GEMIN5: variants seen among roughly 807,000 people sequenced by gnomAD.
The protein encoded by GEMIN5 is gem-associated protein 5.
A neutral mutation model predicts 176.9 loss-of-function variants in GEMIN5; 124 were observed. The observed-to-expected ratio is 0.70, with a 90% CI of 0.61 to 0.81. The LOEUF (loss-of-function observed/expected upper bound fraction) is 0.81, where lower values mean the gene tolerates loss of function less well. GEMIN5 is among the 40% of genes least tolerant of loss of function. The probability of loss-of-function intolerance (pLI) is 0.00; values close to 1 mark genes in which losing one functional copy is unlikely to be tolerated. For missense variants in GEMIN5, 1,843 were observed against 1,814.6 expected, an observed-to-expected ratio of 1.02 and a Z score of -0.28; for synonymous variants, 673 against 665.2, an observed-to-expected ratio of 1.01 and a Z score of -0.18.
chr5:154,892,619 T>C, intron 24 of GEMIN5, 70 bp from the exon 25 acceptor site: 1 of 1,454,540 alleles, frequency 6.9e-7, no homozygotes, highest in East Asian at 2.3e-5. Context: ...CACCAAACTG[T>C]TCCTGTGAAC....
At chr5:154,932,296 A>G in intron 3 of GEMIN5, 46 bp from the exon 4 acceptor site, 1 of 1,414,200 alleles carries the variant, frequency 7.1e-7, no homozygotes, top group Non-Finnish European at 9.9e-7. Flanking sequence ...TGAAGACAGA[A>G]CAGAGTCTCT....
At chr5:154,918,098 G>C in intron 11 of GEMIN5, 94 bp from the exon 12 acceptor site, 1 of 744,824 alleles carries the variant, frequency 1.3e-6, no homozygotes, top group Non-Finnish European at 2.4e-6. Flanking sequence ...GTTTAAAAAC[G>C]TTTTAATTAT....
At chr5:154,896,430 T>C (rs1763354114) in intron 23 of GEMIN5, 87 bp from the exon 24 acceptor site, 3 of 1,365,952 alleles carry the variant, frequency 2.2e-6, no homozygotes, top group African/African-American at 1.5e-5. Context: ...TTCAAAGTAT[T>C]TCCCTTTGTA....
Position 154,913,011 on chromosome 5 carries a change from A to C in GEMIN5, c.1883T>G (p.Ile628Ser). 1.2e-6 allele frequency: 2 copies of C among 1,613,748 alleles called. No individual in the cohort carries two copies. Among genetic ancestry groups the C allele is most frequent in the Non-Finnish European group, 1.7e-6 (2 of 1,179,718 alleles). Residue 628 changes from isoleucine (I) to serine (S), a missense_variant, in exon 14 of 28, where the codon ATT (isoleucine) becomes AGT (serine). Physicochemically the swap from Ile to Ser is moderately radical, Grantham distance 142. Transcript: ENST00000285873. ...IESSPESPVT[I>S]TEPYRTLSGH... The stretch of plus-strand genomic sequence containing the variant: ...TGAGAGGGTCCGGTAGGGCTCTGTA[A>C]TGGTCACTGGAGACTCAGGGCTGCT...
intron 21 of GEMIN5, among the ~76,000 whole-genome samples, chr5:154,899,594 A>C (rs868858934): frequency 6.9e-6 from 1 of 145,540 alleles, no homozygotes; most frequent in African/African-American, 2.5e-5. Flanking sequence ...TAACAATGCT[A>C]AGAGTCAGTT....
chr5:154,931,609 T>C (rs1764166053), intron 4 of GEMIN5, 32 bp from the exon 5 acceptor site: 1 of 1,562,022 alleles, frequency 6.4e-7, no homozygotes, highest in Non-Finnish European at 8.7e-7. Flanking sequence ...TGTTTTTAAT[T>C]TACATTAAAC....
At chr5:154,917,411 TAAA>T (rs1343826007) in intron 12 of GEMIN5, among the ~76,000 whole-genome samples, 3 of 152,198 alleles carry the variant, frequency 2.0e-5, no homozygotes, top group Admixed American at 6.5e-5. Flanking sequence ...ATTCTTTTCT[TAAA>T]AAAATTAATT....
chr5:154,933,270 A>G (rs147632748), intron 3 of GEMIN5, among the ~76,000 whole-genome samples: 8 of 152,294 alleles, frequency 5.3e-5, no homozygotes, highest in African/African-American at 1.9e-4. Context: ...CCTAAATAAG[A>G]TATAGATTTT....
chr5:154,902,720 T>C lies in GEMIN5; in HGVS notation c.2729-44A>G, dbSNP rs370374149. On this transcript the variant is annotated intron_variant, in intron 19 of 27. Coordinates refer to ENST00000285873, the MANE Select transcript of GEMIN5 (RefSeq NM_015465.5). Reference sequence around the variant, plus strand: ...ATGTTTGGAAGGTGTTTCAGAAACATCTGTTACTGACTTGTAGGAAAAGAA... The same window carrying C: ...ATGTTTGGAAGGTGTTTCAGAAACACCTGTTACTGACTTGTAGGAAAAGAA... 8.8e-6 allele frequency: 14 copies of C among 1,595,380 alleles called. No homozygotes were observed. The African/African-American group carries it at 1.2e-4, about 14-fold the overall frequency.
intron 21 of GEMIN5, 48 bp downstream of exon 21, chr5:154,901,291 T>C: frequency 2.6e-6 from 4 of 1,546,970 alleles, no homozygotes; most frequent in Non-Finnish European, 3.5e-6. Context: ...GTTTAGGTTA[T>C]TTTCACATTA....
chr5:154,932,215 C>T lies in GEMIN5; in HGVS notation c.545G>A (p.Ser182Asn). The part of the protein sequence containing the change: ...KDGIVVIIDI[S>N]KKGEVIHRLR... The stretch of plus-strand genomic sequence containing the variant: ...CCTATGAATAACTTCTCCTTTCTTA[C>T]TGATGTCAATTATCACCACTATGCC... Residue 182 changes from serine to asparagine, a missense_variant, in exon 4 of 28, where the codon AGT becomes AAT. Physicochemically the swap from Ser to Asn is conservative, Grantham distance 46 (BLOSUM62 1). Transcript: ENST00000285873. 6.2e-7 allele frequency: 1 copy of T among 1,611,230 alleles called. No homozygotes were observed. Among genetic ancestry groups the T allele is most frequent in the Non-Finnish European group, 8.5e-7 (1 of 1,177,448 alleles).
intron 13 of GEMIN5, among the ~76,000 whole-genome samples, chr5:154,913,967 C>T (rs899647923): frequency 6.6e-5 from 10 of 152,306 alleles, no homozygotes; most frequent in Admixed American, 3.9e-4. Context: ...CACCACTACA[C>T]TCCACCCTGA....
At chr5:154,914,022 C>G (rs954822692) in intron 13 of GEMIN5, among the ~76,000 whole-genome samples, 2 of 151,834 alleles carry the variant, frequency 1.3e-5, no homozygotes, top group African/African-American at 4.8e-5. Context: ...TAAATACACA[C>G]ATAATTTTTT....
chr5:154,892,908 C>G (rs1219665720), intron 24 of GEMIN5, among the ~76,000 whole-genome samples: 2 of 151,862 alleles, frequency 1.3e-5, no homozygotes, highest in African/African-American at 2.4e-5. Context: ...ACCAGCCTGG[C>G]CAACATGGTG....
intron 6 of GEMIN5, among the ~76,000 whole-genome samples, chr5:154,927,818 C>A (rs148666577): frequency 6.6e-6 from 1 of 152,002 alleles, no homozygotes; most frequent in Admixed American, 6.6e-5. Flanking sequence ...AAAGTGAGAC[C>A]GTCCCTACAA....
At chr5:154,924,962 C>T (rs1489334376) in intron 8 of GEMIN5, among the ~76,000 whole-genome samples, 8 of 152,036 alleles carry the variant, frequency 5.3e-5, no homozygotes, top group Admixed American at 1.3e-4. Flanking sequence ...GCACTCCAGC[C>T]TGGGCGACAG....
Position 154,931,449 on chromosome 5 carries a change from C to T in GEMIN5, c.781+9G>A. On this transcript the variant is annotated intron_variant, in intron 5 of 27. Coordinates refer to ENST00000285873, the MANE Select transcript of GEMIN5 (RefSeq NM_015465.5). Reference sequence around the variant, plus strand: ...ATAGGTTACATCACAAAAGAAAGATCAATCTTACCTCGGCCTCTAGAACAG... The same window carrying T: ...ATAGGTTACATCACAAAAGAAAGATTAATCTTACCTCGGCCTCTAGAACAG... The T allele has an allele frequency of 2.5e-6, 4 of 1,597,670 alleles. No individual in the cohort carries two copies. The highest frequency in any genetic ancestry group is 3.4e-6 in the Non-Finnish European group (4 of 1,168,636).
At chr5:154,908,151 T>G (rs1291560923) in intron 15 of GEMIN5, among the ~76,000 whole-genome samples, 1 of 146,464 alleles carries the variant, frequency 6.8e-6, no homozygotes, top group Admixed American at 6.9e-5. Context: ...ATTTAAGTTC[T>G]GCCAATTTTA....
chr5:154,907,862 G>T, intron 15 of GEMIN5, 44 bp from the exon 16 acceptor site: 2 of 1,394,992 alleles, frequency 1.4e-6, no homozygotes, highest in South Asian at 1.2e-5. Context: ...ATACATTCTT[G>T]GTTAAAAGCA....
Sources: gnomAD v4.1 joint callset for allele counts (sites outside exome capture counted in the v4.1 genomes callset) on GRCh38, gnomAD v4.1.1 for gene constraint, MANE v1.5 for transcripts, NCBI Gene and HGNC (gene_info 2026-07-23, HGNC 2026-07-21) for gene names.